The following ZDHHC21 variants were observed in gnomAD, a reference collection of about 807,000 sequenced individuals.
The protein encoded by ZDHHC21 is zDHHC palmitoyltransferase 21, also known as palmitoyltransferase ZDHHC21.
In ZDHHC21, 15 loss-of-function variants were observed where a neutral mutation model predicts 34.6. The ratio of observed to expected loss-of-function variants is 0.43; its 90% CI spans 0.29 to 0.67. ZDHHC21 has a LOEUF of 0.67. Ranked by LOEUF, ZDHHC21 falls within the 30% of genes least tolerant of loss-of-function variation. The probability of loss-of-function intolerance (pLI) is 0.14; values close to 1 mark genes in which losing one functional copy is unlikely to be tolerated. For synonymous variants in ZDHHC21, 142 were observed against 101.8 expected (o/e 1.40, Z -2.38); for missense variants, 344 against 327.7 (o/e 1.05, Z -0.38).
intron 2 of ZDHHC21, among the ~76,000 whole-genome samples, chr9:14,686,171 T>C (rs1018785039): frequency 6.6e-6 from 1 of 151,960 alleles, no homozygotes; most frequent in Non-Finnish European, 1.5e-5. Flanking sequence ...ACCTGCATGT[T>C]GTGCACATGT....
At chr9:14,689,856 T>C (rs1838914975) in intron 2 of ZDHHC21, among the ~76,000 whole-genome samples, 1 of 152,142 alleles carries the variant, frequency 6.6e-6, no homozygotes, top group Non-Finnish European at 1.5e-5. Context: ...GTCTCCATTC[T>C]CCCTGGCTCA....
At chr9:14,607,553 T>G (rs1586824549), downstream of ZDHHC21, among the ~76,000 whole-genome samples, 1 of 139,026 alleles carries the variant, frequency 7.2e-6, no homozygotes, top group Non-Finnish European at 1.5e-5. Context: ...GGGAGGAGGG[T>G]GGGAGTGAAG....
chr9:14,631,943 C>T (rs1216246710), intron 8 of ZDHHC21, among the ~76,000 whole-genome samples: 2 of 151,962 alleles, frequency 1.3e-5, no homozygotes, highest in Admixed American at 1.3e-4. Context: ...TGAAATATTA[C>T]AAGAATTACC....
At chr9:14,659,615 A>G (rs1832979485) in intron 6 of ZDHHC21, among the ~76,000 whole-genome samples, 1 of 152,216 alleles carries the variant, frequency 6.6e-6, no homozygotes. Flanking sequence ...CAAGACTACA[A>G]ATGACTTTGC....
chr9:14,657,024 C>A (rs1213348878), intron 7 of ZDHHC21, among the ~76,000 whole-genome samples: 3 of 151,860 alleles, frequency 2.0e-5, no homozygotes, highest in Non-Finnish European at 2.9e-5. Flanking sequence ...CAAATATAAC[C>A]CATAATCCAT....
chr9:14,678,968 C>A (rs1375849415), intron 3 of ZDHHC21, among the ~76,000 whole-genome samples: 1 of 151,742 alleles, frequency 6.6e-6, no homozygotes, highest in African/African-American at 2.4e-5. Context: ...AGACCGTAAC[C>A]GGTTTTTCTG....
intron 9 of ZDHHC21, 24 bp from the exon 10 acceptor site, chr9:14,619,122 G>C: frequency 6.3e-7 from 1 of 1,583,378 alleles, no homozygotes; most frequent in Non-Finnish European, 8.6e-7. Context: ...CATTATTAGT[G>C]AAAGACAGCA....
At chr9:14,643,115 T>C (rs969475058) in intron 7 of ZDHHC21, among the ~76,000 whole-genome samples, 9 of 152,074 alleles carry the variant, frequency 5.9e-5, no homozygotes, top group African/African-American at 2.2e-4. Context: ...GGTACGGTGG[T>C]GCATGCCTAT....
At chr9:14,674,128 C>CAA in intron 4 of ZDHHC21, 59 bp downstream of exon 4, 2 of 1,268,706 alleles carry the variant, frequency 1.6e-6, no homozygotes, top group South Asian at 4.0e-5. Context: ...CACTACACCC[C>CAA]AAAAACGTTT....
At chr9:14,632,119 G>A (rs998608344) in intron 8 of ZDHHC21, among the ~76,000 whole-genome samples, 1 of 151,252 alleles carries the variant, frequency 6.6e-6, no homozygotes, top group Non-Finnish European at 1.5e-5. Flanking sequence ...TAACAAGTAT[G>A]CCTGTATAGC....
intron 1 of ZDHHC21, among the ~76,000 whole-genome samples, chr9:14,692,929 G>A (rs925318816): frequency 6.6e-6 from 1 of 151,970 alleles, no homozygotes; most frequent in Non-Finnish European, 1.5e-5. Context: ...AGCCAACATC[G>A]TCTCGACTAG....
At chr9:14,652,722 A>G (rs1831440391) in intron 7 of ZDHHC21, among the ~76,000 whole-genome samples, 1 of 152,036 alleles carries the variant, frequency 6.6e-6, no homozygotes, top group South Asian at 2.1e-4. Context: ...TACCATGAGC[A>G]TAACATACAA....
At chr9:14,682,441 G>A (rs1247098654) in intron 2 of ZDHHC21, among the ~76,000 whole-genome samples, 1 of 152,118 alleles carries the variant, frequency 6.6e-6, no homozygotes, top group Non-Finnish European at 1.5e-5. Flanking sequence ...AACAGACAAA[G>A]AAGGCCATTA....
intron 5 of ZDHHC21, among the ~76,000 whole-genome samples, chr9:14,663,992 T>A (rs897832668): frequency 3.3e-5 from 5 of 152,098 alleles, no homozygotes; most frequent in East Asian, 1.9e-4. Context: ...AAACTTTGAA[T>A]TCGGGGGGAG....
At chr9:14,680,492 A>G (rs572423708) in intron 2 of ZDHHC21, among the ~76,000 whole-genome samples, 9 of 152,288 alleles carry the variant, frequency 5.9e-5, no homozygotes, top group Middle Eastern at 3.4e-3. Flanking sequence ...CAAAATAACG[A>G]TAGATTCTGG....
At chr9:14,649,843 C>T (rs1276454711) in intron 7 of ZDHHC21, among the ~76,000 whole-genome samples, 1 of 151,984 alleles carries the variant, frequency 6.6e-6, no homozygotes, top group Non-Finnish European at 1.5e-5. Flanking sequence ...AAAGTTTGGG[C>T]AATCCAATAA....
intron 8 of ZDHHC21, among the ~76,000 whole-genome samples, chr9:14,621,835 G>T (rs887624964): frequency 6.6e-6 from 1 of 151,892 alleles, no homozygotes; most frequent in African/African-American, 2.4e-5. Flanking sequence ...AAAACCACAA[G>T]TTATCCTCAA....
chr9:14,603,989 A>G, the ZDHHC21 span, among the ~76,000 whole-genome samples: 8 of 152,156 alleles, frequency 5.3e-5, no homozygotes, highest in African/African-American at 9.7e-5. Context: ...TTTTCTCTCG[A>G]TATTTACAAA....
chr9:14,691,236 A>G (rs1563762120), intron 1 of ZDHHC21, among the ~76,000 whole-genome samples: 1 of 152,162 alleles, frequency 6.6e-6, no homozygotes, highest in Non-Finnish European at 1.5e-5. Context: ...GACAAACAAT[A>G]AACTGCTCCT....
Sources: gnomAD v4.1 joint callset for allele counts (sites outside exome capture counted in the v4.1 genomes callset) on GRCh38, gnomAD v4.1.1 for gene constraint, MANE v1.5 for transcripts, NCBI Gene and HGNC (gene_info 2026-07-23, HGNC 2026-07-21) for gene names.